The following SDK1 variants were observed in gnomAD, a reference collection of about 807,000 sequenced individuals.
SDK1 encodes the protein sidekick cell adhesion molecule 1.
A neutral mutation model predicts 245.5 loss-of-function variants in SDK1; 157 were observed. The observed-to-expected ratio is 0.64, with a 90% CI of 0.56 to 0.73. The LOEUF (loss-of-function observed/expected upper bound fraction) is 0.73, where lower values mean the gene tolerates loss of function less well. Among genes scored for constraint, SDK1 ranks in the 30% least tolerant of loss-of-function variants. SDK1 has a pLI of 0.00. For synonymous variants in SDK1, 1,647 were observed against 1,278.5 expected, an observed-to-expected ratio of 1.29 and a Z score of -6.15; for missense variants, 3,583 against 3,002.3, an observed-to-expected ratio of 1.19 and a Z score of -4.52.
At chr7:4,202,868 C>T (rs1783971439) in intron 35 of SDK1, among the ~76,000 whole-genome samples, 1 of 152,170 alleles carries the variant, frequency 6.6e-6, no homozygotes, top group Non-Finnish European at 1.5e-5. Flanking sequence ...CCCAGGCCTG[C>T]CATGCAGGGC....
At chr7:3,619,295 T>C (rs909929586) in intron 2 of SDK1, 56 bp downstream of exon 2, 14 of 1,481,138 alleles carry the variant, frequency 9.5e-6, no homozygotes, top group Non-Finnish European at 1.3e-5. Context: ...TTTGGAATAC[T>C]TGCCTTACTG....
At chr7:3,945,815 T>A (rs1424094444) in intron 5 of SDK1, among the ~76,000 whole-genome samples, 2 of 137,756 alleles carry the variant, frequency 1.5e-5, no homozygotes, top group Non-Finnish European at 3.0e-5. Context: ...AGGAGAATGG[T>A]GTGAACCTGG....
At chr7:4,215,829 C>T (rs1240595110) in intron 38 of SDK1, among the ~76,000 whole-genome samples, 1 of 152,154 alleles carries the variant, frequency 6.6e-6, no homozygotes, top group African/African-American at 2.4e-5. Flanking sequence ...CGGCTGGGCA[C>T]TCCCACTCAT....
chr7:4,049,774 A>T (rs891843182), intron 18 of SDK1, among the ~76,000 whole-genome samples: 2 of 152,194 alleles, frequency 1.3e-5, no homozygotes, highest in Admixed American at 1.3e-4. Flanking sequence ...TGCACAAACT[A>T]CTTCTTCCCA....
chr7:3,357,277 T>C (rs372222459), intron 1 of SDK1, among the ~76,000 whole-genome samples: 6 of 150,016 alleles, frequency 4.0e-5, no homozygotes, highest in African/African-American at 1.5e-4. Context: ...CTTAAGGAAT[T>C]TGGCATTTTA....
At chr7:3,946,097 A>G (rs897634187) in intron 5 of SDK1, among the ~76,000 whole-genome samples, 2 of 150,538 alleles carry the variant, frequency 1.3e-5, no homozygotes, top group African/African-American at 2.4e-5. Context: ...AACTAACGCT[A>G]TCAGGTATGC....
At chr7:3,672,796 A>ATCTATATATATATATAT (rs1554307151) in intron 4 of SDK1, among the ~76,000 whole-genome samples, 1 of 53,416 alleles carries the variant, frequency 1.9e-5, no homozygotes. Context: ...TATATATATA[A>ATCTATATATATATATAT]AAAATACAGA....
At chr7:3,996,308 T>G (rs536621527) in intron 14 of SDK1, among the ~76,000 whole-genome samples, 2 of 152,338 alleles carry the variant, frequency 1.3e-5, no homozygotes, top group South Asian at 4.1e-4. Context: ...AAAAGGTGTT[T>G]TAATAACTGA....
chr7:4,129,340 C>T (rs1441513241), intron 26 of SDK1, among the ~76,000 whole-genome samples: 1 of 144,356 alleles, frequency 6.9e-6, no homozygotes, highest in Non-Finnish European at 1.5e-5. Context: ...GGGTGGGGTG[C>T]CCTGGAGGAC....
rs1051821480 is a variant in SDK1, at chr7:4,230,096, G to A, written c.5828-3159G>A. Among the ~76,000 whole-genome samples, 5 of 146,964 alleles carry A rather than the reference G, an allele frequency of 3.4e-5. No homozygotes were observed. The East Asian group carries it at 1.1e-3, about 31-fold the overall frequency. ...GGAAGGAAGGAAGGGTGGGCAGGCA[G>A]ATGGATGGGAGGTGGATGAGTGGGT... On this transcript the variant is annotated intron_variant, in intron 40 of 44. Coordinates refer to ENST00000404826, the MANE Select transcript of SDK1 (RefSeq NM_152744.4).
chr7:3,517,664 A>T (rs1247036395), intron 1 of SDK1, among the ~76,000 whole-genome samples: 1 of 152,118 alleles, frequency 6.6e-6, no homozygotes, highest in African/African-American at 2.4e-5. Context: ...CAGGTTGTCC[A>T]TGTTGATGCC....
chr7:3,416,787 C>G (rs1278628192), intron 1 of SDK1, among the ~76,000 whole-genome samples: 1 of 152,080 alleles, frequency 6.6e-6, no homozygotes, highest in African/African-American at 2.4e-5. Flanking sequence ...TCGAATAAAG[C>G]CCATGTTCTG....
chr7:3,897,617 C>T (rs1781646440), intron 5 of SDK1, among the ~76,000 whole-genome samples: 2 of 152,178 alleles, frequency 1.3e-5, no homozygotes, highest in African/African-American at 2.4e-5. Context: ...ACTTGGGCTG[C>T]TCCCCCTTGT....
chr7:3,816,121 T>G (rs1217250827), intron 4 of SDK1, among the ~76,000 whole-genome samples: 1 of 138,590 alleles, frequency 7.2e-6, no homozygotes, highest in Non-Finnish European at 1.6e-5. Flanking sequence ...TTTATAGCAC[T>G]AAATGCCCAC....
chr7:4,167,124 T>C (rs1428718762), intron 32 of SDK1, among the ~76,000 whole-genome samples: 2 of 152,196 alleles, frequency 1.3e-5, no homozygotes, highest in Admixed American at 1.3e-4. Context: ...GCTCTTTTGC[T>C]GTGGCACGCC....
chr7:3,935,165 G>A (rs1404305342), intron 5 of SDK1, among the ~76,000 whole-genome samples: 2 of 152,316 alleles, frequency 1.3e-5, no homozygotes, highest in Middle Eastern at 3.4e-3. Context: ...GTGAGTGCCA[G>A]GGACGATGGG....
chr7:3,951,672 G>A, intron 6 of SDK1, 58 bp from the exon 7 acceptor site: 2 of 1,511,316 alleles, frequency 1.3e-6, no homozygotes, highest in Non-Finnish European at 1.8e-6. Context: ...CTGAGATGAT[G>A]ACCGTTGCCA....
chr7:3,788,110 T>C (rs1036316974), intron 4 of SDK1, among the ~76,000 whole-genome samples: 8 of 152,094 alleles, frequency 5.3e-5, no homozygotes, highest in African/African-American at 1.9e-4. Context: ...GGGACCTCAC[T>C]CCTTCTGCTT....
intron 7 of SDK1, among the ~76,000 whole-genome samples, chr7:3,955,414 C>T (rs577288607): frequency 6.6e-6 from 1 of 152,136 alleles, no homozygotes; most frequent in Non-Finnish European, 1.5e-5. Context: ...TAAATTGGGC[C>T]CACCCAGCGA....
Sources: allele counts gnomAD v4.1 joint callset (sites outside exome capture counted in the v4.1 genomes callset), GRCh38; gene constraint gnomAD v4.1.1; transcripts MANE v1.5; gene names NCBI Gene and HGNC (gene_info 2026-07-23, HGNC 2026-07-21).